TEC: variants seen among roughly 807,000 people sequenced by gnomAD.
TEC encodes the protein tec protein tyrosine kinase.
In TEC, 72 loss-of-function variants were observed where a neutral mutation model predicts 93.0. That is an observed-to-expected ratio of 0.77 (90% CI 0.64 to 0.94). TEC has a LOEUF of 0.94. Among genes scored for constraint, TEC ranks in the 40% least tolerant of loss-of-function variants. The pLI, the probability that TEC is intolerant of heterozygous loss-of-function variation, is 0.00. For missense variants in TEC, 630 were observed against 757.9 expected (o/e 0.83, Z 1.98); for synonymous variants, 249 against 247.7 (o/e 1.01, Z -0.05).
chr4:48,181,306 C>T (rs552837981), intron 2 of TEC, among the ~76,000 whole-genome samples: 1 of 152,088 alleles, frequency 6.6e-6, no homozygotes, highest in Non-Finnish European at 1.5e-5. Context: ...AACACATATA[C>T]AGTATATATA....
chr4:48,174,151 A>C (rs1721227741), intron 3 of TEC, among the ~76,000 whole-genome samples: 3 of 152,160 alleles, frequency 2.0e-5, no homozygotes, highest in Admixed American at 2.0e-4. Context: ...ATTGTTTTCA[A>C]ACTTTTCTCA....
intron 1 of TEC, among the ~76,000 whole-genome samples, chr4:48,240,112 A>G (rs1379877775): frequency 6.6e-6 from 1 of 152,144 alleles, no homozygotes; most frequent in Non-Finnish European, 1.5e-5. Context: ...TCTGAAGGGT[A>G]TGGAAGAGTA....
chr4:48,156,770 T>G (rs1720421236), intron 8 of TEC, 36 bp from the exon 9 acceptor site: 1 of 1,531,488 alleles, frequency 6.5e-7, no homozygotes. Flanking sequence ...AGGCCTCAGG[T>G]TTTTAGGATA....
intron 15 of TEC, 130 bp downstream of exon 15, chr4:48,141,225 T>C (rs1719647857): frequency 1.3e-6 from 1 of 753,976 alleles, no homozygotes; most frequent in African/African-American, 1.8e-5. Flanking sequence ...TCACAATATA[T>C]ACTTAATTTA....
rs544865516 is a variant in TEC at position 48,168,471 on chromosome 4, T to A, written c.495+115A>T. The A allele has an allele frequency of 3.1e-5, 34 of 1,114,682 alleles. No individual in the cohort carries two copies. The Admixed American group carries it at 4.1e-4, about 14-fold the overall frequency. 69.0% of individuals were successfully genotyped at this position (1,114,682 alleles called of 1,614,324 possible). On this transcript the variant is annotated intron_variant, in intron 6 of 17. Coordinates refer to ENST00000381501, the MANE Select transcript of TEC (RefSeq NM_003215.3). ...CTTCTGAGACGATCCTAGGGAAAAA[T>A]TGTGTCACATCAATGAATAAACCGC...
rs1719433808 is a variant in TEC, at chr4:48,136,643, G to T, written c.*773C>A. 6.6e-6 allele frequency: 1 copy of T among 152,164 alleles called. No homozygotes were observed. The highest frequency in any genetic ancestry group is 1.9e-4 in the East Asian group (1 of 5,192). The allele number at this position is 152,164 out of a possible 1,614,324, so 9.4% of individuals were successfully genotyped here. A position where few individuals can be genotyped will look rare whatever the true frequency, so the allele number is the denominator to read the frequency against. ...CCCCAGACACATTTACCTGAGTGAG[G>T]AGGGGGCGTTACTCATAGAAGAATC... On this transcript the variant is annotated 3_prime_UTR_variant, in exon 18 of 18. Coordinates refer to ENST00000381501, the MANE Select transcript of TEC (RefSeq NM_003215.3).
chr4:48,173,849 C>T (rs1721214463), intron 3 of TEC, among the ~76,000 whole-genome samples: 1 of 152,204 alleles, frequency 6.6e-6, no homozygotes. Context: ...TCTAGAAAAG[C>T]ATGAAGGAGC....
intron 1 of TEC, among the ~76,000 whole-genome samples, chr4:48,264,581 C>T (rs1724583936): frequency 6.6e-6 from 1 of 152,136 alleles, no homozygotes; most frequent in South Asian, 2.1e-4. Context: ...AAATAAAAAG[C>T]CCAGCCAGAT....
At chr4:48,245,207 C>T (rs1243073657) in intron 1 of TEC, among the ~76,000 whole-genome samples, 2 of 151,752 alleles carry the variant, frequency 1.3e-5, no homozygotes, top group South Asian at 2.1e-4. Context: ...GCAGGAGAAT[C>T]GCTTTAACCA....
At chr4:48,146,828 AT>A (rs1181450221) in intron 11 of TEC, among the ~76,000 whole-genome samples, 1 of 152,180 alleles carries the variant, frequency 6.6e-6, no homozygotes, top group African/African-American at 2.4e-5. Flanking sequence ...ATCAGTGTGG[AT>A]CTTTTAACCC....
At position 48,168,458 on chromosome 4, in the gene TEC, T is replaced by C. The variant is rs962912972; in HGVS notation, c.495+128A>G. On this transcript the variant is annotated intron_variant, in intron 6 of 17. Transcript: ENST00000381501. ...TACAGCACATCTGCTTCTGAGACGATCCTAGGGAAAAATTGTGTCACATCA... is the reference window on the plus strand; with the variant it reads ...TACAGCACATCTGCTTCTGAGACGACCCTAGGGAAAAATTGTGTCACATCA... 3.9e-5 allele frequency: 37 copies of C among 959,752 alleles called. No individual in the cohort carries two copies. In the East Asian group the frequency reaches 5.7e-4, roughly 15 times the overall value. 59.5% of individuals were successfully genotyped at this position (959,752 alleles called of 1,614,324 possible). A position where few individuals can be genotyped will look rare whatever the true frequency, so the allele number is the denominator to read the frequency against.
At chr4:48,230,913 C>T (rs1283544785) in intron 1 of TEC, among the ~76,000 whole-genome samples, 2 of 152,200 alleles carry the variant, frequency 1.3e-5, no homozygotes, top group Non-Finnish European at 2.9e-5. Flanking sequence ...AGCCTTCCAA[C>T]TCCTGGGCCA....
At chr4:48,144,556 G>A (rs940589412) in intron 14 of TEC, among the ~76,000 whole-genome samples, 6 of 152,032 alleles carry the variant, frequency 3.9e-5, no homozygotes, top group African/African-American at 1.4e-4. Context: ...AACTGGTAAC[G>A]GATTTCTTTT....
intron 1 of TEC, among the ~76,000 whole-genome samples, chr4:48,235,490 G>A (rs1723760015): frequency 6.6e-6 from 1 of 152,156 alleles, no homozygotes; most frequent in African/African-American, 2.4e-5. Flanking sequence ...ATAAAAACCA[G>A]AGGAAGAGAA....
chr4:48,145,008 T>C (rs1410537481), intron 14 of TEC, 71 bp downstream of exon 14: 1 of 1,412,968 alleles, frequency 7.1e-7, no homozygotes, highest in Non-Finnish European at 1.0e-6. Context: ...TAATACATCA[T>C]TGCACATTTG....
At chr4:48,219,907 G>A (rs888838153) in intron 2 of TEC, among the ~76,000 whole-genome samples, 1 of 152,006 alleles carries the variant, frequency 6.6e-6, no homozygotes, top group African/African-American at 2.4e-5. Context: ...CACACACGGG[G>A]AGAACACTCG....
chr4:48,198,230 C>T (rs754477440), intron 2 of TEC, among the ~76,000 whole-genome samples: 29 of 152,206 alleles, frequency 1.9e-4, no homozygotes, highest in Non-Finnish European at 3.4e-4. Context: ...AGGCTCCCGG[C>T]GCCAGGGCGA....
rs147484158 is a variant in TEC, at chr4:48,138,822, C to G, written c.1655G>C (p.Gly552Ala). 2.5e-6 allele frequency: 4 copies of G among 1,613,502 alleles called. No individual in the cohort carries two copies. Among genetic ancestry groups the G allele is most frequent in the Middle Eastern group, 1.7e-4 (1 of 6,056 alleles). ...FSSKSDVWSF[G>A]VLMWEVFTEG... ...CGTGAATACTTCCCACATTAAAACA[C>G]CTGGAAAAGGATAAGGATTACCAAA... The change falls in exon 17 of 18, where the codon GGT becomes GCT. Residue 552 changes from glycine to alanine, a missense_variant and splice_region_variant. Transcript: ENST00000381501.
At chr4:48,170,004 T>C (rs981934629) in intron 5 of TEC, among the ~76,000 whole-genome samples, 5 of 152,228 alleles carry the variant, frequency 3.3e-5, no homozygotes, top group Non-Finnish European at 7.3e-5. Flanking sequence ...GCTCACACTT[T>C]CAATGGATTC....
Sources: gnomAD v4.1 joint callset for allele counts (sites outside exome capture counted in the v4.1 genomes callset) on GRCh38, gnomAD v4.1.1 for gene constraint, MANE v1.5 for transcripts, NCBI Gene and HGNC (gene_info 2026-07-23, HGNC 2026-07-21) for gene names.